Variants in MYCBP2 observed in about 807,000 individuals in gnomAD.
MYCBP2 encodes E3 ubiquitin-protein ligase MYCBP2.
A neutral mutation model predicts 525.3 loss-of-function variants in MYCBP2; 120 were observed. The ratio of observed to expected loss-of-function variants is 0.23; its 90% confidence interval spans 0.20 to 0.27. The LOEUF (loss-of-function observed/expected upper bound fraction) is 0.27, where lower values mean the gene tolerates loss of function less well. Ranked by LOEUF, MYCBP2 falls within the 10% of genes least tolerant of loss-of-function variation. The pLI is 1.00. For missense variants in MYCBP2, 4,149 were observed against 5,657.1 expected (o/e 0.73, Z 8.55); for synonymous variants, 1,894 against 1,955.8 (o/e 0.97, Z 0.83).
rs371755393 is a variant in MYCBP2 at position 77,305,887 on chromosome 13, C to A, written c.303-9213G>T. Among the ~76,000 whole-genome samples, 11 of 152,164 alleles carry A rather than the reference C, an allele frequency of 7.2e-5. No individual in the cohort carries two copies. The South Asian group carries it at 2.3e-3, about 32-fold the overall frequency. ...GAACCAGGAACAGATTTTACTTAAT[C>A]TAATACAGATTATCTATAAAAAACC... On this transcript the variant is annotated intron_variant, in intron 1 of 82. Coordinates refer to ENST00000544440, the MANE Select transcript of MYCBP2 (RefSeq NM_015057.5).
chr13:77,108,196 C>T (rs2048152761), intron 55 of MYCBP2, among the ~76,000 whole-genome samples: 1 of 150,966 alleles, frequency 6.6e-6, no homozygotes, highest in African/African-American at 2.4e-5. Flanking sequence ...GGATTCCCCC[C>T]AAAATATACT....
rs565902996 is a variant in MYCBP2, at chr13:77,260,897, T to C, written c.1852+274A>G. Among the ~76,000 whole-genome samples, 11 of 152,290 alleles carry C rather than the reference T, an allele frequency of 7.2e-5. No individual in the cohort carries two copies. In the East Asian group the frequency reaches 1.9e-3, roughly 27 times the overall value. Reference sequence around the variant, plus strand: ...GAGGGCCCAATCTCTAAATTAGCTATTGCATTATTAATACCATTCTACTAA... The same window carrying C: ...GAGGGCCCAATCTCTAAATTAGCTACTGCATTATTAATACCATTCTACTAA... On this transcript the variant is annotated intron_variant, in intron 12 of 82. Transcript: ENST00000544440.
At chr13:77,050,009 TC>T (rs2036439068) in intron 82 of MYCBP2, among the ~76,000 whole-genome samples, 2 of 151,626 alleles carry the variant, frequency 1.3e-5, no homozygotes, top group African/African-American at 2.4e-5. Context: ...CCATCCTCAC[TC>T]TTTTTTTTTT....
At chr13:77,286,755 CAAAAAAAAAAAAAAAAA>C (rs869038227) in intron 3 of MYCBP2, among the ~76,000 whole-genome samples, 1 of 11,362 alleles carries the variant, frequency 8.8e-5, no homozygotes, top group Non-Finnish European at 1.4e-4. Context: ...GACTCCGTCT[CAAAAAAAAAAAAAAAAA>C]AAAAAAAAAA....
chr13:77,064,445 G>A (rs1467793721), intron 73 of MYCBP2, among the ~76,000 whole-genome samples, 170 bp downstream of exon 73: 1 of 152,112 alleles, frequency 6.6e-6, no homozygotes, highest in East Asian at 1.9e-4. Context: ...GAGAAGTAAC[G>A]ACTAGTTCAT....
intron 15 of MYCBP2, among the ~76,000 whole-genome samples, chr13:77,248,116 A>G (rs1404470996): frequency 7.0e-6 from 1 of 143,562 alleles, no homozygotes; most frequent in African/African-American, 2.6e-5. Context: ...CGTTGCGCAC[A>G]TGTACCCTAA....
At chr13:77,249,358 A>T (rs139561281) in intron 15 of MYCBP2, among the ~76,000 whole-genome samples, 1 of 152,344 alleles carries the variant, frequency 6.6e-6, no homozygotes, top group African/African-American at 2.4e-5. Flanking sequence ...TGATATATTC[A>T]GTTTGCTTCA....
chr13:77,222,966 A>G (rs951634984), intron 20 of MYCBP2, among the ~76,000 whole-genome samples: 9 of 152,198 alleles, frequency 5.9e-5, no homozygotes, highest in African/African-American at 1.4e-4. Context: ...GGCAGAGTAG[A>G]AGGTCAAAAG....
At chr13:77,311,580 T>G (rs1415321897) in intron 1 of MYCBP2, among the ~76,000 whole-genome samples, 1 of 140,492 alleles carries the variant, frequency 7.1e-6, no homozygotes, top group Non-Finnish European at 1.5e-5. Context: ...TTTTTTTTTG[T>G]TTTTTTTTTA....
At chr13:77,092,914 A>T (rs966905887) in intron 59 of MYCBP2, among the ~76,000 whole-genome samples, 1 of 152,178 alleles carries the variant, frequency 6.6e-6, no homozygotes, top group Non-Finnish European at 1.5e-5. Flanking sequence ...CTGATTTACT[A>T]CAGCATTAAG....
At chr13:77,197,994 C>T (rs41405744) in intron 26 of MYCBP2, among the ~76,000 whole-genome samples, 5 of 152,126 alleles carry the variant, frequency 3.3e-5, no homozygotes, top group Admixed American at 6.5e-5. Flanking sequence ...ATAAGGTCCA[C>T]TACGTTGTTC....
intron 4 of MYCBP2, among the ~76,000 whole-genome samples, chr13:77,275,840 C>T (rs1032619028): frequency 3.3e-5 from 5 of 151,980 alleles, no homozygotes; most frequent in African/African-American, 9.7e-5. Flanking sequence ...AAAAATTAGC[C>T]GGGCATTGTG....
At chr13:77,174,829 G>A (rs552895796) in intron 36 of MYCBP2, among the ~76,000 whole-genome samples, 1 of 133,746 alleles carries the variant, frequency 7.5e-6, no homozygotes, top group East Asian at 2.2e-4. Context: ...GTAAGTGATG[G>A]AACTAGGTCT....
At position 77,282,915 on chromosome 13, in the gene MYCBP2, AT is replaced by A. The variant is rs530041216; in HGVS notation, c.595-4005del. Among the ~76,000 whole-genome samples the A allele has an allele frequency of 5.3e-5, 8 of 152,218 alleles. No individual in the cohort carries two copies. The East Asian group carries it at 1.4e-3, about 26-fold the overall frequency. On this transcript the variant is annotated intron_variant, in intron 3 of 82. Transcript: ENST00000544440. ...GTCAATTCTGCTTAACATTTCCTAT[AT>A]TCAAAACACTGTCACTACCATAATT...
chr13:77,054,265 T>A (rs887409794), intron 80 of MYCBP2, among the ~76,000 whole-genome samples: 1 of 151,888 alleles, frequency 6.6e-6, no homozygotes, highest in Non-Finnish European at 1.5e-5. Context: ...CAGGGCTGAG[T>A]TTGGGAAATG....
At chr13:77,258,600 A>G (rs941416330) in intron 13 of MYCBP2, among the ~76,000 whole-genome samples, 5 of 152,192 alleles carry the variant, frequency 3.3e-5, no homozygotes, top group Non-Finnish European at 7.4e-5. Context: ...AGATATCACT[A>G]CCTTAAGGTG....
intron 55 of MYCBP2, among the ~76,000 whole-genome samples, chr13:77,116,374 G>A (rs1382334023): frequency 6.6e-6 from 1 of 151,974 alleles, no homozygotes; most frequent in Non-Finnish European, 1.5e-5. Context: ...GTTCAGGGAA[G>A]AATACCTTGC....
chr13:77,267,274 AAACT>A (rs1000329646), intron 8 of MYCBP2, among the ~76,000 whole-genome samples: 12 of 152,008 alleles, frequency 7.9e-5, no homozygotes, highest in African/African-American at 2.9e-4. Context: ...AAAGCAAAAT[AAACT>A]GTGTCCAAAG....
intron 11 of MYCBP2, 109 bp downstream of exon 11, chr13:77,261,943 TA>T (rs1481027727): frequency 3.5e-5 from 29 of 836,218 alleles, no homozygotes; most frequent in African/African-American, 3.3e-4. Flanking sequence ...AATCAAAATT[TA>T]AAAGATGATT....
Sources: allele counts gnomAD v4.1 joint callset (sites outside exome capture counted in the v4.1 genomes callset), GRCh38; gene constraint gnomAD v4.1.1; transcripts MANE v1.5; gene names NCBI Gene and HGNC (gene_info 2026-07-23, HGNC 2026-07-21).